Variants in GRAMD1A observed in about 807,000 individuals in gnomAD.
GRAMD1A encodes the protein protein Aster-A.
GRAMD1A carries 50 observed loss-of-function variants against 92.0 expected under a neutral mutation model. The ratio of observed to expected loss-of-function variants is 0.54; its 90% CI spans 0.43 to 0.69. GRAMD1A has a LOEUF of 0.69. Among genes scored for constraint, GRAMD1A ranks in the 30% least tolerant of loss-of-function variants. The pLI, the probability that GRAMD1A is intolerant of heterozygous loss-of-function variation, is 0.00. For missense variants in GRAMD1A, 819 were observed against 978.9 expected (o/e 0.84, Z 2.18); for synonymous variants, 405 against 403.6 (o/e 1.00, Z -0.04).
Position 35,013,526 on chromosome 19 carries a change from T to A in GRAMD1A, c.720-15T>A. On this transcript the variant is annotated splice_polypyrimidine_tract_variant and intron_variant, in intron 8 of 19. Transcript: ENST00000317991. The surrounding 1 kb of genome is among the most constrained non-coding windows in gnomAD (Gnocchi z 4.9). ...TCAAGGACACAGCAGTCCCGCTTCCTCCCCTTTCCCACAGGACCCCCAAGG... is the reference window on the plus strand; with the variant it reads ...TCAAGGACACAGCAGTCCCGCTTCCACCCCTTTCCCACAGGACCCCCAAGG... The A allele has an allele frequency of 6.3e-7, 1 of 1,593,368 alleles. No individual in the cohort carries two copies.
intron 18 of GRAMD1A, 33 bp from the exon 19 acceptor site, chr19:35,023,394 C>A: frequency 6.2e-7 from 1 of 1,611,818 alleles, no homozygotes; most frequent in Non-Finnish European, 8.5e-7. Flanking sequence ...TCGGGGGAGG[C>A]CAAGGCCCTG....
At chr19:35,015,714 A>G in intron 10 of GRAMD1A, 110 bp from the exon 11 acceptor site, 2 of 987,086 alleles carry the variant, frequency 2.0e-6, no homozygotes, top group Non-Finnish European at 2.9e-6. Context: ...GTGCTCCAGG[A>G]GGTGGGGTCC....
At chr19:34,996,087 C>T (rs553728365), upstream of GRAMD1A, 54 of 1,535,892 alleles carry the variant, frequency 3.5e-5, no homozygotes, top group South Asian at 4.9e-4. Context: ...CCCCAGGGCT[C>T]GCCTGACCTC....
At chr19:35,014,624 C>T in intron 10 of GRAMD1A, 2 of 572,556 alleles carry the variant, frequency 3.5e-6, no homozygotes, top group Non-Finnish European at 6.3e-6. Flanking sequence ...CACACCACTT[C>T]CTGACCATGT....
rs1378322918 is a variant in GRAMD1A, at chr19:35,021,588, A to T, written c.1562A>T (p.Asp521Val). ...AAGAACTCGTGGAGCGGCATTGAAG[A>T]CTATTTCCACCATCTGGGTAGGGAC... Reference protein sequence around the residue: ...IEKNSWSGIEDYFHHLERELA... With the variant: ...IEKNSWSGIEVYFHHLERELA... The change falls in exon 14 of 20, where the codon GAC becomes GTC. Residue 521 changes from aspartate (D) to valine (V), a missense_variant. Asp to Val is a radical substitution (Grantham distance 152, BLOSUM62 -3). Around this residue, in one of 3 missense-constraint regions of GRAMD1A, gnomAD observed 577 missense variants for 674.6 expected, o/e 0.86. Coordinates refer to ENST00000317991, the MANE Select transcript of GRAMD1A (RefSeq NM_020895.5). This position sits in a 1 kb window ranked among gnomAD's most constrained non-coding sequence, Gnocchi z 5.3. 1 of 1,613,862 alleles carries T rather than the reference A, an allele frequency of 6.2e-7. No homozygotes were observed. Among genetic ancestry groups the T allele is most frequent in the Non-Finnish European group, 8.5e-7 (1 of 1,179,860 alleles).
chr19:35,014,495 C>A, intron 10 of GRAMD1A, 108 bp downstream of exon 10: 1 of 951,076 alleles, frequency 1.1e-6, no homozygotes, highest in South Asian at 1.4e-5. Context: ...CAGGGGCAGG[C>A]GGGATGGCGT....
upstream of GRAMD1A, chr19:35,000,270 G>C (rs1466653135): frequency 4.9e-6 from 5 of 1,028,668 alleles, no homozygotes; most frequent in East Asian, 2.8e-4. The surrounding 1 kb of genome is among the most constrained non-coding windows in gnomAD (Gnocchi z 4.9). Flanking sequence ...GCGGCGGGGC[G>C]GGGGAAGGAA....
chr19:35,010,268 C>T lies in GRAMD1A; in HGVS notation c.430-16C>T, dbSNP rs1174994175. On this transcript the variant is annotated splice_polypyrimidine_tract_variant and intron_variant, in intron 5 of 19. Transcript: ENST00000317991. The stretch of plus-strand genomic sequence containing the variant: ...AGGCCCCACCCCGCTCCTATTGACC[C>T]TCCTGCTGTCCTCAGATCTCCATCC... The T allele has an allele frequency of 3.1e-6, 5 of 1,606,584 alleles. No individual in the cohort carries two copies. Among genetic ancestry groups the T allele is most frequent in the Admixed American group, 1.7e-5 (1 of 60,030 alleles).
chr19:35,023,612 A>C (rs1600345324), intron 19 of GRAMD1A, 65 bp downstream of exon 19: 1 of 1,442,552 alleles, frequency 6.9e-7, no homozygotes, highest in African/African-American at 1.4e-5. Flanking sequence ...TTGAAACCCC[A>C]CCGTGCGGCA....
chr19:35,004,584 G>A (rs2014661940), intron 1 of GRAMD1A, among the ~76,000 whole-genome samples: 1 of 152,164 alleles, frequency 6.6e-6, no homozygotes, highest in Non-Finnish European at 1.5e-5. Context: ...GGTCCTTGCA[G>A]GCAGGGGCTT....
rs148331435 is a variant in GRAMD1A, at chr19:35,006,467, G to A, written c.9-2652G>A. Among the ~76,000 whole-genome samples the A allele has an allele frequency of 6.6e-5, 10 of 152,272 alleles. No individual in the cohort carries two copies. The South Asian group carries it at 8.3e-4, about 13-fold the overall frequency. On this transcript the variant is annotated intron_variant, in intron 1 of 19. Coordinates refer to ENST00000317991, the MANE Select transcript of GRAMD1A (RefSeq NM_020895.5). ...TGAGAAATAATACGGTTAATCATAC[G>A]GAGAGCTTGACATATTTCCTGATAA...
intron 16 of GRAMD1A, among the ~76,000 whole-genome samples, 176 bp from the exon 17 acceptor site, chr19:35,022,724 G>A (rs991790516): frequency 1.3e-5 from 2 of 152,350 alleles, no homozygotes; most frequent in African/African-American, 2.4e-5. Context: ...GACCCTGCGA[G>A]GTGAGGGTCA....
At chr19:35,025,933 TG>T (rs1272553714) in intron 19 of GRAMD1A, 115 bp from the exon 20 acceptor site, 3 of 683,028 alleles carry the variant, frequency 4.4e-6, no homozygotes, top group Non-Finnish European at 8.1e-6. Context: ...GACCCTGGGG[TG>T]GGGCAGTATG....
chr19:34,998,021 T>C (rs902306630), upstream of GRAMD1A, among the ~76,000 whole-genome samples: 1 of 140,606 alleles, frequency 7.1e-6, no homozygotes, highest in East Asian at 2.1e-4. Flanking sequence ...TGAGCCAAGA[T>C]CGAGCCACTG....
chr19:35,025,961 C>T (rs986774719), intron 19 of GRAMD1A, 88 bp from the exon 20 acceptor site: 5 of 769,868 alleles, frequency 6.5e-6, no homozygotes, highest in African/African-American at 3.4e-5. Context: ...AGACCGTCCT[C>T]AGTTTCTCAA....
chr19:35,018,798 G>A (rs1431602550), intron 11 of GRAMD1A, among the ~76,000 whole-genome samples: 7 of 152,136 alleles, frequency 4.6e-5, no homozygotes, highest in African/African-American at 9.7e-5. Flanking sequence ...AAGGCCTACC[G>A]CTCCAGTGGG....
Position 35,019,226 on chromosome 19 carries a change from T to C in GRAMD1A, c.1249T>C (p.Cys417Arg). ...TLSPWSGDSK[C>R]HQRRVLTYTI... ...GAGCCCCTGGAGTGGGGACAGCAAGTGCCACCAGCGCCGGGTGCTGACGTA... is the reference window on the plus strand; with the variant it reads ...GAGCCCCTGGAGTGGGGACAGCAAGCGCCACCAGCGCCGGGTGCTGACGTA... Residue 417 changes from cysteine (C) to arginine (R), a missense_variant, in exon 12 of 20, where the codon TGC becomes CGC. Physicochemically the swap from Cys to Arg is radical, Grantham distance 180 (BLOSUM62 -3). Transcript: ENST00000317991. 1 of 1,613,160 alleles carries C rather than the reference T, an allele frequency of 6.2e-7. No homozygotes were observed. The highest frequency in any genetic ancestry group is 1.3e-5 in the African/African-American group (1 of 74,970).
chr19:35,013,725 G>GA lies in GRAMD1A; in HGVS notation c.870+35dup, dbSNP rs2015421617. ...TGGGTTGGAAGAGGGGTGGGATACTGATAGGAAGAGAGAGGAGGGCTGGGG... is the reference window on the plus strand; with the variant it reads ...TGGGTTGGAAGAGGGGTGGGATACTGAATAGGAAGAGAGAGGAGGGCTGGGG... On this transcript the variant is annotated intron_variant, in intron 9 of 19. Coordinates refer to ENST00000317991, the MANE Select transcript of GRAMD1A (RefSeq NM_020895.5). The surrounding 1 kb of genome is among the most constrained non-coding windows in gnomAD (Gnocchi z 4.9). The GA allele has an allele frequency of 1.3e-6, 2 of 1,571,808 alleles. No homozygotes were observed. Among genetic ancestry groups the GA allele is most frequent in the Non-Finnish European group, 1.7e-6 (2 of 1,153,070 alleles).
At chr19:35,025,532 C>A (rs2151741008) in intron 19 of GRAMD1A, among the ~76,000 whole-genome samples, 1 of 152,344 alleles carries the variant, frequency 6.6e-6, no homozygotes, top group Admixed American at 6.5e-5. Flanking sequence ...GCATGAGGCA[C>A]TGTGCCCGGC....
Sources: gnomAD v4.1 joint callset for allele counts (sites outside exome capture counted in the v4.1 genomes callset) on GRCh38, gnomAD v4.1.1 for gene constraint, gnomAD v4.1.1 regional missense constraint, Gnocchi (gnomAD v3.1) non-coding constraint, MANE v1.5 for transcripts, NCBI Gene and HGNC (gene_info 2026-07-23, HGNC 2026-07-21) for gene names.